KIF23: variants seen among roughly 807,000 people sequenced by gnomAD.
KIF23 encodes kinesin family member 23.
A neutral mutation model predicts 137.5 loss-of-function variants in KIF23; 30 were observed. That is an observed-to-expected ratio of 0.22 (90% CI 0.16 to 0.30). The LOEUF is 0.30. KIF23 is among the 10% of genes least tolerant of loss of function. The pLI is 1.00. For synonymous variants in KIF23, 367 were observed against 391.1 expected, an observed-to-expected ratio of 0.94 and a Z score of 0.73; for missense variants, 920 against 1,194.3, an observed-to-expected ratio of 0.77 and a Z score of 3.38.
chr15:69,418,771 TAGTTCATAATCTCTTCATAGA>T (rs1456620256), intron 3 of KIF23, among the ~76,000 whole-genome samples: 1 of 152,214 alleles, frequency 6.6e-6, no homozygotes, highest in Non-Finnish European at 1.5e-5. Flanking sequence ...AATAGGGAAC[TAGTTCATAATCTCTTCATAGA>T]GATGAGCCTA....
chr15:69,414,690 C>G (rs962851050), intron 1 of KIF23: 2 of 450,320 alleles, frequency 4.4e-6, no homozygotes, highest in Non-Finnish European at 7.4e-6. Flanking sequence ...GCGTCGCCCC[C>G]CGCCGCCCCG....
chr15:69,423,298 G>A lies in KIF23; in HGVS notation c.703G>A (p.Glu235Lys). The change falls in exon 7 of 24, where the codon GAA becomes AAA. Residue 235 changes from glutamate to lysine, a missense_variant. Transcript: ENST00000679126. The stretch of plus-strand genomic sequence containing the variant: ...TAATAATTACATATATGATCTATTG[G>A]AAGAGGTGCCGTTTGATCCCATAAA... ...IYNNYIYDLL[E>K]EVPFDPIKPK... The A allele has an allele frequency of 6.3e-7, 1 of 1,578,482 alleles. No individual in the cohort carries two copies. Among genetic ancestry groups the A allele is most frequent in the Non-Finnish European group, 8.6e-7 (1 of 1,163,122 alleles).
At chr15:69,419,054 T>C (rs2056987286) in intron 3 of KIF23, among the ~76,000 whole-genome samples, 1 of 151,966 alleles carries the variant, frequency 6.6e-6, no homozygotes, top group East Asian at 1.9e-4. Flanking sequence ...GAGGCGGAGG[T>C]TGCAGTGAGC....
intron 10 of KIF23, among the ~76,000 whole-genome samples, chr15:69,427,954 G>A (rs946409575): frequency 1.3e-5 from 2 of 152,108 alleles, no homozygotes; most frequent in Non-Finnish European, 2.9e-5. Flanking sequence ...CTCAATAACC[G>A]TTAGCTAGAA....
At chr15:69,438,832 G>A (rs1308619049) in intron 16 of KIF23, among the ~76,000 whole-genome samples, 3 of 151,858 alleles carry the variant, frequency 2.0e-5, no homozygotes, top group African/African-American at 4.8e-5. Context: ...GGCTGAGTGC[G>A]GGGGCTCATG....
chr15:69,423,309 G>A lies in KIF23; in HGVS notation c.714G>A (p.Pro238=), dbSNP rs772709718. The A allele has an allele frequency of 2.7e-5, 42 of 1,568,774 alleles. No homozygotes were observed. The Admixed American group carries it at 2.7e-4, about 10-fold the overall frequency. ...TATATGATCTATTGGAAGAGGTGCC[G>A]TTTGATCCCATAAAACCCAAGTAAG... ...NYIYDLLEEV[P]FDPIKPKWNS... The change falls in exon 7 of 24, where the codon CCG becomes CCA. Residue 238 remains proline, a synonymous_variant. Coordinates refer to ENST00000679126, the MANE Select transcript of KIF23 (RefSeq NM_001367805.3).
chr15:69,441,322 C>T (rs1023828142), intron 19 of KIF23, among the ~76,000 whole-genome samples: 2 of 152,174 alleles, frequency 1.3e-5, no homozygotes, highest in African/African-American at 2.4e-5. Context: ...TGGTGCATCC[C>T]AGAGTAGTCT....
At chr15:69,435,108 T>C in intron 11 of KIF23, 1 of 474,324 alleles carries the variant, frequency 2.1e-6, no homozygotes. Flanking sequence ...GGCCTGGGGG[T>C]CGCCATGATT....
chr15:69,417,347 G>A lies in KIF23; in HGVS notation c.82-36G>A, dbSNP rs3759825. On this transcript the variant is annotated intron_variant, in intron 2 of 23. Coordinates refer to ENST00000679126, the MANE Select transcript of KIF23 (RefSeq NM_001367805.3). Reference sequence around the variant, plus strand: ...TAAGTGAAAAATCAGGCAAAAGGTCGAACTTTCTTCTTAAAGCACCTTCCT... The same window carrying A: ...TAAGTGAAAAATCAGGCAAAAGGTCAAACTTTCTTCTTAAAGCACCTTCCT... 1,450,124 of 1,516,826 alleles carry A rather than the reference G, an allele frequency of 0.96. 697,255 individuals carry two copies. The highest frequency in any genetic ancestry group is 0.98 in the Non-Finnish European group (1,110,723 of 1,131,678). The allele number at this position is 1,516,826 out of a possible 1,614,324, so 94.0% of individuals were successfully genotyped here.
chr15:69,426,470 T>G lies in KIF23; in HGVS notation c.1011+13T>G, dbSNP rs778626258. 3 of 1,612,476 alleles carry G rather than the reference T, an allele frequency of 1.9e-6. No individual in the cohort carries two copies. Among genetic ancestry groups the G allele is most frequent in the East Asian group, 2.2e-5 (1 of 44,876 alleles). On this transcript the variant is annotated intron_variant, in intron 10 of 23. Coordinates refer to ENST00000679126, the MANE Select transcript of KIF23 (RefSeq NM_001367805.3). ...CAATGTCTTACAGGTAAAGTTGTAG[T>G]ATGTGGAGTTTTTCTGGTTCTAACT...
intron 11 of KIF23, chr15:69,434,717 A>G: frequency 7.2e-7 from 1 of 1,390,262 alleles, no homozygotes. Context: ...TGGGAGGATC[A>G]GGGATCTTCT....
intron 11 of KIF23, chr15:69,435,050 C>T: frequency 1.9e-6 from 1 of 532,096 alleles, no homozygotes; most frequent in South Asian, 3.0e-5. Context: ...CCCATAGTTC[C>T]TCCCCACACA....
intron 10 of KIF23, among the ~76,000 whole-genome samples, chr15:69,428,660 C>CAAAAAAAAA (rs59950355): frequency 1.1e-4 from 8 of 74,050 alleles, no homozygotes; most frequent in East Asian, 4.4e-4. Context: ...CTCTGTCTCC[C>CAAAAAAAAA]AAAAAAAAAA....
chr15:69,436,783 T>G, intron 15 of KIF23, 61 bp downstream of exon 15: 4 of 1,127,146 alleles, frequency 3.5e-6, no homozygotes, highest in Non-Finnish European at 4.8e-6. Flanking sequence ...GAGACATAGT[T>G]TCACTCTGTA....
At chr15:69,436,969 G>A (rs2057498916) in intron 15 of KIF23, among the ~76,000 whole-genome samples, 1 of 152,098 alleles carries the variant, frequency 6.6e-6, no homozygotes, top group African/African-American at 2.4e-5. Context: ...AGGCCAGGCT[G>A]GTCTCAAACT....
At chr15:69,415,939 T>C (rs1216001452) in intron 1 of KIF23, 55 bp from the exon 2 acceptor site, 2 of 1,277,160 alleles carry the variant, frequency 1.6e-6, no homozygotes, top group Non-Finnish European at 1.1e-6. Flanking sequence ...GTGAGGCTTT[T>C]GTATTCGTGT....
intron 18 of KIF23, 77 bp from the exon 19 acceptor site, chr15:69,440,691 T>C (rs2057594563): frequency 2.3e-6 from 3 of 1,293,378 alleles, no homozygotes; most frequent in African/African-American, 3.0e-5. Context: ...CTTCATGTGC[T>C]AACATTATAG....
At chr15:69,440,185 GGTT>G in intron 17 of KIF23, 108 bp downstream of exon 17, 8 of 1,490,570 alleles carry the variant, frequency 5.4e-6, no homozygotes, top group Non-Finnish European at 7.3e-6. Context: ...TTTTGGTGGT[GGTT>G]GTTAACTCTC....
At position 69,444,821 on chromosome 15, in the gene KIF23, C is replaced by T; in HGVS notation, c.2453C>T (p.Pro818Leu). ...TTTCAACCTGATCAGAACGCACCAC[C>T]AATTCGTCTCCGACACAGACGATCA... ...LLFQPDQNAPPIRLRHRRSRS... is the reference protein window; with the variant it reads ...LLFQPDQNAPLIRLRHRRSRS... Residue 818 changes from proline (P) to leucine (L), a missense_variant, in exon 20 of 24, where the codon CCA becomes CTA. Around this residue, in one of 4 missense-constraint regions of KIF23, gnomAD observed 714 missense variants for 866.2 expected, o/e 0.82. Coordinates refer to ENST00000679126, the MANE Select transcript of KIF23 (RefSeq NM_001367805.3). This position sits in a 1 kb window ranked among gnomAD's most constrained non-coding sequence, Gnocchi z 4.2. The T allele has an allele frequency of 1.2e-6, 2 of 1,614,160 alleles. No homozygotes were observed. Among genetic ancestry groups the T allele is most frequent in the Non-Finnish European group, 1.7e-6 (2 of 1,180,030 alleles).
Sources: allele counts gnomAD v4.1 joint callset (sites outside exome capture counted in the v4.1 genomes callset), GRCh38; gene constraint gnomAD v4.1.1; regional missense constraint gnomAD v4.1.1; non-coding constraint Gnocchi (gnomAD v3.1); transcripts MANE v1.5; gene names NCBI Gene and HGNC (gene_info 2026-07-23, HGNC 2026-07-21).